The following PLEKHA4 variants were observed in gnomAD, a reference collection of about 807,000 sequenced individuals.
PLEKHA4 encodes pleckstrin homology domain containing A4.
In PLEKHA4, 73 loss-of-function variants were observed where a neutral mutation model predicts 94.7. That is an observed-to-expected ratio of 0.77 (90% CI 0.64 to 0.94). The LOEUF (loss-of-function observed/expected upper bound fraction) is 0.94, where lower values mean the gene tolerates loss of function less well. Among genes scored for constraint, PLEKHA4 ranks in the 40% least tolerant of loss-of-function variants. PLEKHA4 has a pLI of 0.00. For synonymous variants in PLEKHA4, 449 were observed against 437.1 expected, an observed-to-expected ratio of 1.03 and a Z score of -0.34; for missense variants, 1,049 against 1,054.1, an observed-to-expected ratio of 1.00 and a Z score of 0.07.
chr19:48,863,597 A>AT lies in PLEKHA4; in HGVS notation c.192+1905dup, dbSNP rs1234542582. Among the ~76,000 whole-genome samples the AT allele has an allele frequency of 3.2e-3, 457 of 144,286 alleles. 1 individual carries two copies. The highest frequency in any genetic ancestry group is 6.0e-3 in the Admixed American group (86 of 14,408). The allele number at this position is 144,286 out of a possible 152,430, so 94.7% of individuals were successfully genotyped here. A position where few individuals can be genotyped will look rare whatever the true frequency, so the allele number is the denominator to read the frequency against. On this transcript the variant is annotated intron_variant, in intron 3 of 19. Transcript: ENST00000263265. Reference sequence around the variant, plus strand: ...AGGCGACCACCACCACGCCCGGCTAATTTTTTTTTTTTTGTATTTTTTAGT... The same window carrying AT: ...AGGCGACCACCACCACGCCCGGCTAATTTTTTTTTTTTTTGTATTTTTTAGT...
chr19:48,859,488 GC>G lies in PLEKHA4; in HGVS notation c.672del (p.Met224IlefsTer20), dbSNP rs779685591. 5 of 1,613,796 alleles carry G rather than the reference GC, an allele frequency of 3.1e-6. No homozygotes were observed. In the East Asian group the frequency reaches 1.1e-4, roughly 36 times the overall value. ...PTTDLHSGLQ[M>X]RRARSPDLFT... Reference sequence around the variant, plus strand: ...ACTCACTCGGGGCTCCTCGCCCTCCGCATCTGGAGTCCAGAGTGGAGGTCGG... The same window carrying G: ...ACTCACTCGGGGCTCCTCGCCCTCCGATCTGGAGTCCAGAGTGGAGGTCGG... On this transcript the variant is annotated frameshift_variant, in exon 7 of 20. Coordinates refer to ENST00000263265, the MANE Select transcript of PLEKHA4 (RefSeq NM_020904.3). LOFTEE classifies it high-confidence loss of function.
chr19:48,854,289 G>A (rs113007197), intron 9 of PLEKHA4, 25 bp from the exon 10 acceptor site: 3 of 1,607,922 alleles, frequency 1.9e-6, no homozygotes, highest in East Asian at 2.2e-5. Flanking sequence ...AAAAGTCAGG[G>A]GTCAAAGGGG....
intron 8 of PLEKHA4, 144 bp downstream of exon 8, chr19:48,858,716 G>T: frequency 1.1e-6 from 1 of 903,856 alleles, no homozygotes; most frequent in Non-Finnish European, 1.7e-6. Flanking sequence ...ATAGGTTCAA[G>T]CTCTCTCTCA....
At chr19:48,863,631 G>C (rs2036729728) in intron 3 of PLEKHA4, among the ~76,000 whole-genome samples, 2 of 151,640 alleles carry the variant, frequency 1.3e-5, no homozygotes, top group Non-Finnish European at 2.9e-5. Context: ...GTAGAGATGG[G>C]GGTTCACCGT....
chr19:48,863,244 T>G (rs1436827245), intron 3 of PLEKHA4, among the ~76,000 whole-genome samples: 1 of 152,076 alleles, frequency 6.6e-6, no homozygotes, highest in African/African-American at 2.4e-5. Context: ...CACTTACTGT[T>G]TTTTGTTTGT....
rs766089439 is a variant in PLEKHA4 at position 48,858,843 on chromosome 19, C to T, written c.972+17G>A. ...TGATGGGAAACGTAGTCCCCTCCTT[C>T]TCACCTCTCTGCTCACCTGTGTTCT... On this transcript the variant is annotated intron_variant, in intron 8 of 19. Transcript: ENST00000263265. The T allele has an allele frequency of 3.1e-6, 5 of 1,613,440 alleles. No homozygotes were observed. In the South Asian group the frequency reaches 3.3e-5, roughly 11 times the overall value.
At chr19:48,842,718 A>T (rs1482467047) in intron 16 of PLEKHA4, among the ~76,000 whole-genome samples, 2 of 152,116 alleles carry the variant, frequency 1.3e-5, no homozygotes, top group Non-Finnish European at 2.9e-5. Flanking sequence ...CCCAGAAGTA[A>T]GCCCCTTCTC....
intron 16 of PLEKHA4, among the ~76,000 whole-genome samples, chr19:48,841,786 C>G (rs1261321771): frequency 6.6e-6 from 1 of 152,008 alleles, no homozygotes; most frequent in East Asian, 1.9e-4. Context: ...AAGACCCCAT[C>G]TCTACAAAAA....
At position 48,853,759 on chromosome 19, in the gene PLEKHA4, C is replaced by T. The variant is rs763668060; in HGVS notation, c.1249G>A (p.Gly417Arg). 39 of 1,612,830 alleles carry T rather than the reference C, an allele frequency of 2.4e-5. No homozygotes were observed. In the Admixed American group the frequency reaches 2.7e-4, roughly 11 times the overall value. Residue 417 changes from glycine to arginine, a missense_variant, in exon 12 of 20, where the codon GGG becomes AGG. Physicochemically the swap from Gly to Arg is moderately radical, Grantham distance 125. Transcript: ENST00000263265. Reference sequence around the variant, plus strand: ...AGGCGCTGGCGACCCCAGGCCCTCCCGGGAGCCCCAGCCTCCCTGGTGGCT... The same window carrying T: ...AGGCGCTGGCGACCCCAGGCCCTCCTGGGAGCCCCAGCCTCCCTGGTGGCT... ...GQATREAGAP[G>R]RAWGRQRLLQ...
At chr19:48,864,711 C>A (rs1568556158) in intron 3 of PLEKHA4, among the ~76,000 whole-genome samples, 1 of 151,988 alleles carries the variant, frequency 6.6e-6, no homozygotes, top group Non-Finnish European at 1.5e-5. Context: ...TAGGCGCACA[C>A]CACCACGCTC....
intron 13 of PLEKHA4, among the ~76,000 whole-genome samples, chr19:48,848,884 G>A (rs909538853): frequency 6.6e-6 from 1 of 151,878 alleles, no homozygotes; most frequent in African/African-American, 2.4e-5. Context: ...GTGACCATAC[G>A]AATATGAGAG....
In PLEKHA4 at chr19:48,861,413, G is replaced by T. The variant is rs1445435673; in HGVS notation, c.354C>A (p.Arg118=). 3 of 1,613,384 alleles carry T rather than the reference G, an allele frequency of 1.9e-6. No individual in the cohort carries two copies. The highest frequency in any genetic ancestry group is 1.7e-6 in the Non-Finnish European group (2 of 1,179,926). The part of the protein sequence containing the change: ...PDGPGAPRGR[R]FTFTAEHPGM... Reference sequence around the variant, plus strand: ...TGGATGGACTCACGGTGAAGGTGAAGCGCCGCCCTCGGGGGGCTCCCGGCC... The same window carrying T: ...TGGATGGACTCACGGTGAAGGTGAATCGCCGCCCTCGGGGGGCTCCCGGCC... The change falls in exon 5 of 20, where the codon CGC becomes CGA. Residue 118 remains arginine (R), a synonymous_variant. Coordinates refer to ENST00000263265, the MANE Select transcript of PLEKHA4 (RefSeq NM_020904.3).
At chr19:48,850,014 C>T (rs1002338575) in intron 13 of PLEKHA4, among the ~76,000 whole-genome samples, 1 of 151,826 alleles carries the variant, frequency 6.6e-6, no homozygotes, top group Admixed American at 6.6e-5. Flanking sequence ...AGTTCAAGAC[C>T]ACCCTAATCA....
rs745837752 is a variant in PLEKHA4, at chr19:48,845,374, G to T, written c.1739C>A (p.Thr580Asn). The change falls in exon 16 of 20, where the codon ACC (threonine) becomes AAC (asparagine). Residue 580 changes from threonine to asparagine, a missense_variant. Thr to Asn is a moderately conservative substitution (Grantham distance 65). Transcript: ENST00000263265. ...CAGGATGGACCTACAGCTTACCTTGGTTCCTAGCTGTGGGGAAGGGAGGTG... is the reference window on the plus strand; with the variant it reads ...CAGGATGGACCTACAGCTTACCTTGTTTCCTAGCTGTGGGGAAGGGAGGTG... Reference protein sequence around the residue: ...GRHLPSPQLGTKAPVARPRMS... With the variant: ...GRHLPSPQLGNKAPVARPRMS... 3.7e-6 allele frequency: 6 copies of T among 1,612,550 alleles called. No homozygotes were observed. Among genetic ancestry groups the T allele is most frequent in the Non-Finnish European group, 5.1e-6 (6 of 1,179,808 alleles).
chr19:48,852,409 AG>A, intron 12 of PLEKHA4, 83 bp from the exon 13 acceptor site: 2 of 1,104,860 alleles, frequency 1.8e-6, no homozygotes, highest in Non-Finnish European at 2.7e-6. Flanking sequence ...TCAGCTAAGG[AG>A]GAGATAAGGG....
intron 6 of PLEKHA4, chr19:48,859,952 T>C (rs1415206023): frequency 1.7e-6 from 1 of 578,874 alleles, no homozygotes; most frequent in African/African-American, 1.9e-5. Context: ...AGCCTGATAA[T>C]TGGCGCAGGC....
At chr19:48,839,036 G>A (rs1169538205) in intron 18 of PLEKHA4, among the ~76,000 whole-genome samples, 169 bp downstream of exon 18, 6 of 152,124 alleles carry the variant, frequency 3.9e-5, no homozygotes, top group Admixed American at 6.6e-5. Flanking sequence ...ATATCACTAC[G>A]GATCTAGGGC....
Position 48,867,511 on chromosome 19 carries a change from C to T in PLEKHA4, c.84+26G>A, listed in dbSNP as rs1237818022. ...GGGCGGCCCAGAGCCCCACCTTCCTCCCCATCCCCGCCAGGAAGCTCAAAC... is the reference window on the plus strand; with the variant it reads ...GGGCGGCCCAGAGCCCCACCTTCCTTCCCATCCCCGCCAGGAAGCTCAAAC... On this transcript the variant is annotated intron_variant, in intron 2 of 19. Coordinates refer to ENST00000263265, the MANE Select transcript of PLEKHA4 (RefSeq NM_020904.3). This position sits in a 1 kb window ranked among gnomAD's most constrained non-coding sequence, Gnocchi z 4.7. The T allele has an allele frequency of 7.6e-6, 12 of 1,573,950 alleles. No individual in the cohort carries two copies. Among genetic ancestry groups the T allele is most frequent in the Non-Finnish European group, 1.0e-5 (12 of 1,161,466 alleles).
chr19:48,866,775 G>A (rs529492526), intron 2 of PLEKHA4, among the ~76,000 whole-genome samples: 1 of 152,280 alleles, frequency 6.6e-6, no homozygotes, highest in Admixed American at 6.5e-5. Context: ...TGGGCTGGGA[G>A]GGCCCCATAA....
Sources: allele counts gnomAD v4.1 joint callset (sites outside exome capture counted in the v4.1 genomes callset), GRCh38; gene constraint gnomAD v4.1.1; non-coding constraint Gnocchi (gnomAD v3.1); transcripts MANE v1.5; gene names NCBI Gene and HGNC (gene_info 2026-07-23, HGNC 2026-07-21).